IQCM: variants seen among roughly 807,000 people sequenced by gnomAD.
IQCM encodes IQ domain-containing protein M.
IQCM carries 45 observed loss-of-function variants against 57.6 expected under a neutral mutation model. That is an observed-to-expected ratio of 0.78 (90% confidence interval 0.62 to 1.00). The LOEUF is 1.00. IQCM is among the 50% of genes least tolerant of loss of function. The pLI is 0.00. For synonymous variants in IQCM, 148 were observed against 158.9 expected, an observed-to-expected ratio of 0.93 and a Z score of 0.51; for missense variants, 468 against 511.6, an observed-to-expected ratio of 0.91 and a Z score of 0.82.
intron 12 of IQCM, among the ~76,000 whole-genome samples, chr4:149,529,261 A>T (rs1343800339): frequency 3.3e-5 from 5 of 152,072 alleles, no homozygotes; most frequent in African/African-American, 7.2e-5. Flanking sequence ...ATGGGATTTC[A>T]GCCATTTTGG....
intron 13 of IQCM, among the ~76,000 whole-genome samples, chr4:149,398,353 G>A (rs918557522): frequency 2.6e-5 from 4 of 151,944 alleles, no homozygotes; most frequent in Admixed American, 2.6e-4. Context: ...GTGGTCTTTT[G>A]TAGTTTCATA....
At chr4:149,795,048 G>T (rs528966304) in intron 2 of IQCM, among the ~76,000 whole-genome samples, 1 of 152,162 alleles carries the variant, frequency 6.6e-6, no homozygotes, top group Admixed American at 6.5e-5. Context: ...GAGATAAATG[G>T]AAACGCTAAA....
At chr4:149,752,743 A>G (rs1768575077) in intron 2 of IQCM, among the ~76,000 whole-genome samples, 1 of 152,172 alleles carries the variant, frequency 6.6e-6, no homozygotes, top group Non-Finnish European at 1.5e-5. Flanking sequence ...GTTCAGCTCC[A>G]GTGTAGTAAC....
intron 12 of IQCM, among the ~76,000 whole-genome samples, chr4:149,446,957 A>G (rs975296398): frequency 2.0e-5 from 3 of 151,528 alleles, no homozygotes; most frequent in Non-Finnish European, 4.4e-5. Context: ...TTATTGAACA[A>G]TTATGTGATA....
chr4:149,402,793 A>C (rs1341236995), intron 13 of IQCM, among the ~76,000 whole-genome samples: 2 of 151,830 alleles, frequency 1.3e-5, no homozygotes, highest in Non-Finnish European at 2.9e-5. Flanking sequence ...CTTTATTTTT[A>C]TGGTGCTTCA....
At chr4:149,522,951 G>C (rs1039723935) in intron 12 of IQCM, among the ~76,000 whole-genome samples, 10 of 152,124 alleles carry the variant, frequency 6.6e-5, no homozygotes, top group African/African-American at 2.4e-4. Flanking sequence ...ATCTTAGTCA[G>C]CTCAGACTAC....
intron 7 of IQCM, among the ~76,000 whole-genome samples, chr4:149,661,747 T>C (rs998280830): frequency 3.9e-5 from 6 of 152,122 alleles, no homozygotes; most frequent in African/African-American, 1.4e-4. Flanking sequence ...GTATAGTTGT[T>C]CACAGTAGTC....
At chr4:149,425,635 A>C (rs951560900) in intron 13 of IQCM, among the ~76,000 whole-genome samples, 21 of 152,090 alleles carry the variant, frequency 1.4e-4, no homozygotes, top group African/African-American at 5.1e-4. Flanking sequence ...CACCTGCCTC[A>C]ATGAGGGAAA....
At chr4:149,593,821 T>C (rs1753471676) in intron 8 of IQCM, among the ~76,000 whole-genome samples, 1 of 152,118 alleles carries the variant, frequency 6.6e-6, no homozygotes, top group African/African-American at 2.4e-5. Context: ...TTGATCATGG[T>C]GGATAAGCTT....
chr4:149,573,270 A>G (rs1326940107), intron 9 of IQCM, among the ~76,000 whole-genome samples: 1 of 151,326 alleles, frequency 6.6e-6, no homozygotes, highest in East Asian at 1.9e-4. Flanking sequence ...GACCACAAAA[A>G]CATGCCAAAT....
At chr4:149,535,052 G>A (rs894520567) in intron 12 of IQCM, among the ~76,000 whole-genome samples, 1 of 152,000 alleles carries the variant, frequency 6.6e-6, no homozygotes, top group African/African-American at 2.4e-5. Context: ...TATAATAAAA[G>A]CTTGATTCAG....
chr4:149,438,243 C>CTA (rs2111309179), intron 12 of IQCM, among the ~76,000 whole-genome samples: 1 of 151,952 alleles, frequency 6.6e-6, no homozygotes, highest in African/African-American at 2.4e-5. Flanking sequence ...AGTTTTCATA[C>CTA]TAATACAGGC....
chr4:149,514,877 G>C (rs1001835056), intron 12 of IQCM: 1 of 152,192 alleles, frequency 6.6e-6, no homozygotes, highest in Admixed American at 6.6e-5. Context: ...ATGTGAAAAG[G>C]CTAGACTGGT....
intron 7 of IQCM, among the ~76,000 whole-genome samples, chr4:149,670,755 T>A (rs1330373349): frequency 6.6e-6 from 1 of 152,166 alleles, no homozygotes; most frequent in Non-Finnish European, 1.5e-5. Flanking sequence ...TTGTCTTAGG[T>A]TCTGTTCATA....
At chr4:149,427,812 C>G (rs1328546595) in intron 13 of IQCM, among the ~76,000 whole-genome samples, 1 of 151,866 alleles carries the variant, frequency 6.6e-6, no homozygotes, top group Non-Finnish European at 1.5e-5. Flanking sequence ...ATCAAAAGGA[C>G]TTTAGAGAAC....
chr4:149,405,828 CATAT>C (rs55914421), intron 13 of IQCM, among the ~76,000 whole-genome samples: 15 of 135,344 alleles, frequency 1.1e-4, no homozygotes, highest in Admixed American at 1.5e-4. Context: ...TCCTAAGGAG[CATAT>C]ATATATATAT....
intron 2 of IQCM, 108 bp from the exon 3 acceptor site, chr4:149,742,847 T>C (rs753075304): frequency 1.6e-5 from 7 of 435,936 alleles, no homozygotes; most frequent in African/African-American, 4.1e-5. Flanking sequence ...ACTTTTTATA[T>C]GTCATTTCTG....
At chr4:149,481,711 T>TTTTTTTTTTTGTTTTTTTTTG (rs1740888521) in intron 12 of IQCM, among the ~76,000 whole-genome samples, 1 of 137,806 alleles carries the variant, frequency 7.3e-6, no homozygotes, top group Admixed American at 7.3e-5. Context: ...GTTTTTTTTT[T>TTTTTTTTTTTGTTTTTTTTTG]TTTTTTTTTT....
intron 7 of IQCM, among the ~76,000 whole-genome samples, chr4:149,651,187 A>G (rs546963463): frequency 6.6e-6 from 1 of 152,286 alleles, no homozygotes; most frequent in East Asian, 1.9e-4. Context: ...CTCTAAAATA[A>G]GTGGTCACAT....
Sources: allele counts gnomAD v4.1 joint callset (sites outside exome capture counted in the v4.1 genomes callset), GRCh38; gene constraint gnomAD v4.1.1; transcripts MANE v1.5; gene names NCBI Gene and HGNC (gene_info 2026-07-23, HGNC 2026-07-21).